The following PLPPR1 variants were observed in gnomAD, a reference collection of about 807,000 sequenced individuals.
PLPPR1 encodes the protein phospholipid phosphatase-related protein type 1.
Under a neutral mutation model 33.1 loss-of-function variants are expected in PLPPR1, and 10 were observed. The observed-to-expected ratio is 0.30, with a 90% CI of 0.19 to 0.51. PLPPR1 has a LOEUF of 0.51. Ranked by LOEUF, PLPPR1 falls within the 20% of genes least tolerant of loss-of-function variation. PLPPR1 has a pLI of 0.97. For missense variants in PLPPR1, 304 were observed against 408.1 expected, an observed-to-expected ratio of 0.74 and a Z score of 2.20; for synonymous variants, 151 against 151.0, an observed-to-expected ratio of 1.00 and a Z score of 0.00.
intron 1 of PLPPR1, among the ~76,000 whole-genome samples, chr9:101,146,807 A>G (rs757981049): frequency 3.9e-5 from 6 of 152,226 alleles, no homozygotes; most frequent in Non-Finnish European, 7.3e-5. Context: ...TGCCAGAAAC[A>G]CATGACATTA....
At chr9:101,290,988 T>C (rs2417249) in intron 4 of PLPPR1, among the ~76,000 whole-genome samples, 59,672 of 152,148 alleles carry the variant, frequency 0.39, 12,498 homozygotes, top group African/African-American at 0.55. Context: ...GAGGCATTGC[T>C]TCACTCGGGA....
chr9:101,286,375 C>G, intron 4 of PLPPR1, 139 bp downstream of exon 4: 1 of 730,902 alleles, frequency 1.4e-6, no homozygotes, highest in Non-Finnish European at 2.1e-6. Flanking sequence ...CCTACTGCCA[C>G]ATCAAATTTT....
At chr9:101,118,786 C>G (rs1229920238) in intron 1 of PLPPR1, among the ~76,000 whole-genome samples, 4 of 152,232 alleles carry the variant, frequency 2.6e-5, no homozygotes, top group Non-Finnish European at 4.4e-5. Flanking sequence ...TGGCTCTTGC[C>G]ACATCGTGAC....
At chr9:101,218,665 TAA>T (rs891678872) in intron 2 of PLPPR1, among the ~76,000 whole-genome samples, 5 of 152,198 alleles carry the variant, frequency 3.3e-5, no homozygotes, top group Non-Finnish European at 1.5e-5. Flanking sequence ...CATGGGAAAT[TAA>T]AAGTTTATTT....
chr9:101,083,389 GAAA>G (rs11367880), intron 1 of PLPPR1, among the ~76,000 whole-genome samples: 3 of 124,646 alleles, frequency 2.4e-5, no homozygotes, highest in East Asian at 2.4e-4. Context: ...TCCATCTCAA[GAAA>G]AAAAAAAAAA....
chr9:101,182,739 G>A (rs1826137178), intron 1 of PLPPR1, among the ~76,000 whole-genome samples: 1 of 151,602 alleles, frequency 6.6e-6, no homozygotes, highest in African/African-American at 2.4e-5. Flanking sequence ...AGAAAATATT[G>A]AAAATATGTA....
At chr9:101,059,749 A>G (rs1461887872) in intron 1 of PLPPR1, among the ~76,000 whole-genome samples, 1 of 152,114 alleles carries the variant, frequency 6.6e-6, no homozygotes, top group East Asian at 1.9e-4. Flanking sequence ...AGCAAAGAGA[A>G]TTAAAACCAC....
intron 1 of PLPPR1, among the ~76,000 whole-genome samples, chr9:101,162,008 G>A (rs916179385): frequency 5.3e-5 from 8 of 151,732 alleles, no homozygotes; most frequent in Admixed American, 2.6e-4. Flanking sequence ...TTAGAGTGCC[G>A]TGGCCATAGT....
chr9:101,079,199 C>T (rs1830585362), intron 1 of PLPPR1, among the ~76,000 whole-genome samples: 1 of 152,080 alleles, frequency 6.6e-6, no homozygotes, highest in Non-Finnish European at 1.5e-5. Flanking sequence ...CTGACCTGGC[C>T]CAGTCTGGTC....
intron 1 of PLPPR1, among the ~76,000 whole-genome samples, chr9:101,086,151 A>G (rs1042929376): frequency 1.3e-5 from 2 of 152,098 alleles, no homozygotes; most frequent in African/African-American, 4.8e-5. Context: ...ACTGTCTTTA[A>G]TGTAGCTTCT....
intron 2 of PLPPR1, among the ~76,000 whole-genome samples, chr9:101,191,310 A>G (rs917285336): frequency 1.3e-5 from 2 of 152,204 alleles, no homozygotes; most frequent in African/African-American, 4.8e-5. Flanking sequence ...CCTTAAACTC[A>G]TAACATTACT....
At chr9:101,185,253 A>G (rs1826185400) in intron 1 of PLPPR1, 197 bp from the exon 2 acceptor site, 1 of 412,648 alleles carries the variant, frequency 2.4e-6, no homozygotes, top group Non-Finnish European at 4.3e-6. Context: ...AAAACTATTC[A>G]TGGCAAGTAT....
At chr9:101,191,494 CT>C (rs989818650) in intron 2 of PLPPR1, among the ~76,000 whole-genome samples, 3 of 151,946 alleles carry the variant, frequency 2.0e-5, no homozygotes, top group African/African-American at 4.8e-5. Context: ...TTCCTCCTTC[CT>C]TTTTTTCACT....
chr9:101,286,916 A>G (rs1013096624), intron 4 of PLPPR1, among the ~76,000 whole-genome samples: 12 of 152,174 alleles, frequency 7.9e-5, no homozygotes, highest in African/African-American at 1.2e-4. Flanking sequence ...TTCTAATGAG[A>G]TCCTACAAAT....
chr9:101,216,156 T>C (rs569681686), intron 2 of PLPPR1, among the ~76,000 whole-genome samples: 3 of 152,354 alleles, frequency 2.0e-5, no homozygotes, highest in Non-Finnish European at 4.4e-5. Context: ...CAGTATTTGT[T>C]ACTGTCTGTC....
intron 1 of PLPPR1, among the ~76,000 whole-genome samples, chr9:101,181,628 G>A (rs368450829): frequency 4.1e-5 from 6 of 146,428 alleles, no homozygotes; most frequent in Non-Finnish European, 6.0e-5. Flanking sequence ...GTGTGTGTGT[G>A]TGTGTATGTG....
intron 1 of PLPPR1, among the ~76,000 whole-genome samples, chr9:101,114,673 G>A (rs1030006149): frequency 6.6e-6 from 1 of 152,216 alleles, no homozygotes; most frequent in Non-Finnish European, 1.5e-5. Flanking sequence ...CTTGGGGTAA[G>A]CAACAGTGGA....
rs869205435 is a variant in PLPPR1 at position 101,223,148 on chromosome 9, CAAAAA to C, written c.63+37611_63+37615del. ...GGCAACAAAGTGAGACCCATCTCTA[CAAAAA>C]AAAAAAAAAAAAAAAAAAAGAAAAG... On this transcript the variant is annotated intron_variant, in intron 2 of 7. Transcript: ENST00000374874. Among the ~76,000 whole-genome samples, 154 of 23,698 alleles carry C rather than the reference CAAAAA, an allele frequency of 6.5e-3. 1 individual carries two copies. Among genetic ancestry groups the C allele is most frequent in the Middle Eastern group, 0.038 (3 of 78 alleles). The allele number at this position is 23,698 out of a possible 152,430, so 15.5% of individuals were successfully genotyped here.
intron 2 of PLPPR1, among the ~76,000 whole-genome samples, chr9:101,241,406 C>T (rs1226617961): frequency 6.6e-6 from 1 of 151,998 alleles, no homozygotes; most frequent in African/African-American, 2.4e-5. Flanking sequence ...TATACTAACA[C>T]TAACAGTAGC....
Sources: gnomAD v4.1 joint callset for allele counts (sites outside exome capture counted in the v4.1 genomes callset) on GRCh38, gnomAD v4.1.1 for gene constraint, MANE v1.5 for transcripts, NCBI Gene and HGNC (gene_info 2026-07-23, HGNC 2026-07-21) for gene names.